DACH1: variants seen among roughly 807,000 people sequenced by gnomAD.
DACH1 encodes dachshund family transcription factor 1.
A neutral mutation model predicts 54.2 loss-of-function variants in DACH1; 12 were observed. The ratio of observed to expected loss-of-function variants is 0.22; its 90% CI spans 0.14 to 0.36. The LOEUF (loss-of-function observed/expected upper bound fraction) is 0.36, where lower values mean the gene tolerates loss of function less well. Ranked by LOEUF, DACH1 falls within the 10% of genes least tolerant of loss-of-function variation. DACH1 has a pLI of 1.00. For synonymous variants in DACH1, 386 were observed against 366.2 expected (o/e 1.05, Z -0.62); for missense variants, 805 against 929.8 (o/e 0.87, Z 1.75).
At chr13:71,711,880 A>C (rs1418716857) in intron 1 of DACH1, among the ~76,000 whole-genome samples, 1 of 152,104 alleles carries the variant, frequency 6.6e-6, no homozygotes, top group African/African-American at 2.4e-5. Flanking sequence ...CTTTTCTTTT[A>C]TTACACTCTA....
intron 3 of DACH1, among the ~76,000 whole-genome samples, chr13:71,595,781 G>A (rs1231651001): frequency 1.3e-5 from 2 of 152,000 alleles, no homozygotes; most frequent in Non-Finnish European, 2.9e-5. Flanking sequence ...CCACTCCTTA[G>A]GAGAGCACAA....
intron 4 of DACH1, among the ~76,000 whole-genome samples, chr13:71,564,220 A>G (rs1192327447): frequency 6.6e-6 from 1 of 152,112 alleles, no homozygotes; most frequent in Non-Finnish European, 1.5e-5. Flanking sequence ...ATAATAAGAA[A>G]GAAGCAGTTC....
chr13:71,465,957 T>C (rs1876528878), intron 10 of DACH1, among the ~76,000 whole-genome samples: 2 of 152,170 alleles, frequency 1.3e-5, no homozygotes, highest in South Asian at 2.1e-4. Context: ...TATACTATCA[T>C]TGATATTTGT....
At chr13:71,711,837 C>G (rs907914229) in intron 1 of DACH1, among the ~76,000 whole-genome samples, 4 of 152,066 alleles carry the variant, frequency 2.6e-5, no homozygotes, top group African/African-American at 9.7e-5. Flanking sequence ...GCTACATTGT[C>G]TGACTCATTT....
chr13:71,815,639 A>T (rs975922713), intron 1 of DACH1, among the ~76,000 whole-genome samples: 9 of 152,194 alleles, frequency 5.9e-5, no homozygotes, highest in Non-Finnish European at 8.8e-5. Flanking sequence ...TTTTAGGAAA[A>T]CAGTTTAACA....
rs536578093 is a variant in DACH1 at position 71,542,368 on chromosome 13, T to C, written c.1570+14656A>G. Among the ~76,000 whole-genome samples, 13 of 152,264 alleles carry C rather than the reference T, an allele frequency of 8.5e-5. No individual in the cohort carries two copies. The South Asian group carries it at 2.7e-3, about 31-fold the overall frequency. On this transcript the variant is annotated intron_variant, in intron 6 of 10. Transcript: ENST00000613252. ...GTACATTGTGGTTCAGATAAACTTATTACATCACAATATGAAAATATAACT... is the reference window on the plus strand; with the variant it reads ...GTACATTGTGGTTCAGATAAACTTACTACATCACAATATGAAAATATAACT...
At chr13:71,573,726 G>A (rs981332117) in intron 3 of DACH1, among the ~76,000 whole-genome samples, 1 of 152,096 alleles carries the variant, frequency 6.6e-6, no homozygotes, top group African/African-American at 2.4e-5. Context: ...TTTCCCCTAA[G>A]CTGCACATTC....
In DACH1 at chr13:71,543,878, C is replaced by G. The variant is rs1037444151; in HGVS notation, c.1570+13146G>C. On this transcript the variant is annotated intron_variant, in intron 6 of 10. Transcript: ENST00000613252. The stretch of plus-strand genomic sequence containing the variant: ...AATAGACTACTTCTGCTAAGATTCC[C>G]CAAGAAGAACCACACCTTCTCTCCT... 3.3e-5 allele frequency among the ~76,000 whole-genome samples: 5 copies of G among 152,116 alleles called. No homozygotes were observed. The South Asian group carries it at 1.0e-3, about 31-fold the overall frequency.
At chr13:71,760,872 A>G (rs950452255) in intron 1 of DACH1, among the ~76,000 whole-genome samples, 3 of 152,262 alleles carry the variant, frequency 2.0e-5, no homozygotes, top group East Asian at 1.9e-4. Flanking sequence ...ACATTCCACT[A>G]TAACTTTTCT....
chr13:71,516,714 C>T (rs1319128931), intron 6 of DACH1, among the ~76,000 whole-genome samples: 2 of 151,844 alleles, frequency 1.3e-5, no homozygotes, highest in African/African-American at 2.4e-5. Context: ...CCCTGCCCAT[C>T]AAAACGCACA....
chr13:71,757,738 A>C (rs1885229361), intron 1 of DACH1, among the ~76,000 whole-genome samples: 1 of 151,812 alleles, frequency 6.6e-6, no homozygotes, highest in Admixed American at 6.6e-5. Context: ...GGCCAGGCTG[A>C]TCTTGATCTC....
At chr13:71,478,901 C>T (rs1457148777) in intron 8 of DACH1, among the ~76,000 whole-genome samples, 1 of 152,016 alleles carries the variant, frequency 6.6e-6, no homozygotes, top group Non-Finnish European at 1.5e-5. Context: ...TCTTAAAGAA[C>T]ATGAATTTTT....
chr13:71,839,569 T>G (rs939427324), intron 1 of DACH1, among the ~76,000 whole-genome samples: 4 of 152,126 alleles, frequency 2.6e-5, no homozygotes, highest in African/African-American at 9.7e-5. Context: ...ATCATGCCAC[T>G]GCACTCCAGC....
intron 1 of DACH1, among the ~76,000 whole-genome samples, chr13:71,760,889 T>A (rs1041978161): frequency 6.6e-6 from 1 of 152,186 alleles, no homozygotes; most frequent in Non-Finnish European, 1.5e-5. Context: ...TTCTTTTTCA[T>A]AAACATCAGA....
chr13:71,766,855 C>T (rs1885652982), intron 1 of DACH1, among the ~76,000 whole-genome samples: 3 of 151,150 alleles, frequency 2.0e-5, no homozygotes, highest in African/African-American at 7.3e-5. Context: ...AAAAAAAGCT[C>T]TCACTTAATT....
At chr13:71,755,211 G>T (rs1270645721) in intron 1 of DACH1, among the ~76,000 whole-genome samples, 1 of 152,006 alleles carries the variant, frequency 6.6e-6, no homozygotes, top group African/African-American at 2.4e-5. Flanking sequence ...AGCAAAACAA[G>T]AAAAATCTGT....
At chr13:71,799,442 T>C (rs1887196501) in intron 1 of DACH1, among the ~76,000 whole-genome samples, 1 of 152,096 alleles carries the variant, frequency 6.6e-6, no homozygotes, top group South Asian at 2.1e-4. Context: ...ATAATTAAAT[T>C]AAAAAAGTAA....
chr13:71,487,430 T>C (rs1259870199), intron 7 of DACH1, among the ~76,000 whole-genome samples: 7 of 152,198 alleles, frequency 4.6e-5, no homozygotes. Context: ...TTTCTTTTCT[T>C]CCTTCTGAAA....
intron 6 of DACH1, among the ~76,000 whole-genome samples, chr13:71,514,020 G>GC (rs1348537637): frequency 6.6e-6 from 1 of 151,986 alleles, no homozygotes; most frequent in Non-Finnish European, 1.5e-5. Flanking sequence ...AAATGGTTTA[G>GC]CCATATAATC....
Sources: allele counts gnomAD v4.1 joint callset (sites outside exome capture counted in the v4.1 genomes callset), GRCh38; gene constraint gnomAD v4.1.1; transcripts MANE v1.5; gene names NCBI Gene and HGNC (gene_info 2026-07-23, HGNC 2026-07-21).